SGCG: variants seen among roughly 807,000 people sequenced by gnomAD.
SGCG encodes the protein gamma-sarcoglycan.
In SGCG, 26 loss-of-function variants were observed where a neutral mutation model predicts 29.3. That is an observed-to-expected ratio of 0.89 (90% confidence interval 0.65 to 1.23). SGCG has a LOEUF of 1.23. Ranked by LOEUF, SGCG falls within the 50% of genes most tolerant of loss-of-function variation. The pLI, the probability that SGCG is intolerant of heterozygous loss-of-function variation, is 0.00. For synonymous variants in SGCG, 145 were observed against 129.7 expected (o/e 1.12, Z -0.80); for missense variants, 353 against 356.0 (o/e 0.99, Z 0.07).
At chr13:23,246,586 T>G (rs1012109074) in intron 3 of SGCG, 1 of 177,480 alleles carries the variant, frequency 5.6e-6, no homozygotes, top group Non-Finnish European at 1.2e-5. Flanking sequence ...CCTTTGACTG[T>G]TGCCCTCATT....
At chr13:23,309,816 C>A (rs1354309314) in intron 6 of SGCG, among the ~76,000 whole-genome samples, 3 of 152,144 alleles carry the variant, frequency 2.0e-5, no homozygotes, top group Admixed American at 6.6e-5. Context: ...ATTTACACTT[C>A]CACTTCAATG....
chr13:23,175,583 C>A, the SGCG span, among the ~76,000 whole-genome samples: 1 of 152,096 alleles, frequency 6.6e-6, no homozygotes, highest in Non-Finnish European at 1.5e-5. Context: ...AGGTAGTACT[C>A]TATTTTCTCC....
At chr13:23,265,441 G>C (rs1349979213) in intron 4 of SGCG, among the ~76,000 whole-genome samples, 1 of 152,134 alleles carries the variant, frequency 6.6e-6, no homozygotes, top group East Asian at 1.9e-4. Context: ...GCTGGGTGCA[G>C]TTGCACGCAC....
At chr13:23,179,032 A>G (rs1876646299), upstream of SGCG, among the ~76,000 whole-genome samples, 1 of 152,218 alleles carries the variant, frequency 6.6e-6, no homozygotes, top group Non-Finnish European at 1.5e-5. Context: ...CAAGCACCAA[A>G]TTAGGCCTAA....
chr13:23,302,050 T>C (rs890834527), intron 6 of SGCG, among the ~76,000 whole-genome samples: 4 of 152,038 alleles, frequency 2.6e-5, no homozygotes, highest in African/African-American at 9.7e-5. Context: ...AACGTACGGA[T>C]GGAATCTAAG....
chr13:23,185,371 T>C (rs1565990849), intron 1 of SGCG, among the ~76,000 whole-genome samples: 1 of 152,190 alleles, frequency 6.6e-6, no homozygotes. Context: ...TTTGTATTTT[T>C]AGTAGAGACA....
chr13:23,244,607 A>G (rs1879628764), intron 3 of SGCG: 1 of 152,166 alleles, frequency 6.6e-6, no homozygotes, highest in Admixed American at 6.5e-5. Context: ...AGTGCGCACA[A>G]GCACTGTAAA....
At chr13:23,309,537 G>A (rs1273265645) in intron 6 of SGCG, among the ~76,000 whole-genome samples, 1 of 152,052 alleles carries the variant, frequency 6.6e-6, no homozygotes, top group African/African-American at 2.4e-5. Flanking sequence ...ACTTTGGCTG[G>A]GACAAATGTT....
intron 2 of SGCG, among the ~76,000 whole-genome samples, chr13:23,220,093 G>A (rs965677440): frequency 6.6e-6 from 1 of 151,390 alleles, no homozygotes; most frequent in Non-Finnish European, 1.5e-5. Flanking sequence ...TGCCCACCTC[G>A]GCCTCCCAAA....
intron 5 of SGCG, 87 bp from the exon 6 acceptor site, chr13:23,295,328 G>A (rs1881859557): frequency 2.7e-6 from 3 of 1,109,602 alleles, no homozygotes; most frequent in Non-Finnish European, 4.2e-6. Context: ...AAATCCATAT[G>A]TTCTTTAATA....
chr13:23,261,081 C>T lies in SGCG; in HGVS notation c.385+10364C>T, dbSNP rs77358917. 1.3e-3 allele frequency among the ~76,000 whole-genome samples: 199 copies of T among 152,166 alleles called. 3 individuals are homozygous for T. Among genetic ancestry groups the T allele is most frequent in the African/African-American group, 4.0e-3 (168 of 41,528 alleles). On this transcript the variant is annotated intron_variant, in intron 4 of 7. Transcript: ENST00000218867. ...GTATTTCCTGAATTTGAATGTTGGC[C>T]TCCCTTGCTAGGCTGGGGAAGTTCT...
chr13:23,294,117 T>C (rs185377822), intron 5 of SGCG, among the ~76,000 whole-genome samples: 67 of 152,306 alleles, frequency 4.4e-4, no homozygotes, highest in African/African-American at 1.6e-3. Context: ...CTGAGATTCC[T>C]GTGGAACCAC....
At chr13:23,183,228 T>A (rs767866687) in intron 1 of SGCG, among the ~76,000 whole-genome samples, 16 of 152,126 alleles carry the variant, frequency 1.1e-4, no homozygotes, top group Non-Finnish European at 1.9e-4. Flanking sequence ...TTAGAAAGTT[T>A]CTGACTTCTT....
chr13:23,314,408 A>ATATATATATATAT (rs1593108241), intron 6 of SGCG, among the ~76,000 whole-genome samples: 6 of 133,958 alleles, frequency 4.5e-5, no homozygotes, highest in Non-Finnish European at 7.9e-5. Flanking sequence ...ATATATATAT[A>ATATATATATATAT]ATCTTATTCT....
intron 4 of SGCG, among the ~76,000 whole-genome samples, chr13:23,264,076 A>C (rs1880548638): frequency 6.6e-6 from 1 of 152,108 alleles, no homozygotes; most frequent in Non-Finnish European, 1.5e-5. Context: ...TGAAAGTGCT[A>C]GCCAGAGTAA....
At chr13:23,268,586 G>A (rs986791560) in intron 4 of SGCG, 1 of 152,492 alleles carries the variant, frequency 6.6e-6, no homozygotes, top group African/African-American at 2.4e-5. Flanking sequence ...AAAGAAGGGT[G>A]GGGAAGTACC....
intron 4 of SGCG, among the ~76,000 whole-genome samples, chr13:23,252,023 A>T (rs1172942822): frequency 2.6e-5 from 4 of 152,118 alleles, no homozygotes; most frequent in African/African-American, 9.7e-5. Context: ...CTTATTCTTG[A>T]TCATAACTTG....
intron 1 of SGCG, among the ~76,000 whole-genome samples, chr13:23,191,119 T>C (rs950816842): frequency 2.6e-5 from 4 of 152,114 alleles, no homozygotes; most frequent in Non-Finnish European, 5.9e-5. Flanking sequence ...AAGACATAAA[T>C]CATCTTCTTC....
the SGCG span, among the ~76,000 whole-genome samples, chr13:23,161,958 T>C: frequency 6.6e-6 from 1 of 152,258 alleles, no homozygotes; most frequent in African/African-American, 2.4e-5. Flanking sequence ...TCTGTCAATC[T>C]TTCTTAAATC....
Sources: allele counts gnomAD v4.1 joint callset (sites outside exome capture counted in the v4.1 genomes callset), GRCh38; gene constraint gnomAD v4.1.1; transcripts MANE v1.5; gene names NCBI Gene and HGNC (gene_info 2026-07-23, HGNC 2026-07-21).